Variants in HIF1A observed in about 807,000 individuals in gnomAD.
The protein encoded by HIF1A is hypoxia-inducible factor 1-alpha.
A neutral mutation model predicts 92.7 loss-of-function variants in HIF1A; 24 were observed. The observed-to-expected ratio is 0.26, with a 90% CI of 0.19 to 0.36. The LOEUF is 0.36. Among genes scored for constraint, HIF1A ranks in the 10% least tolerant of loss-of-function variants. HIF1A has a pLI of 1.00. For missense variants in HIF1A, 799 were observed against 998.5 expected (o/e 0.80, Z 2.69); for synonymous variants, 319 against 338.7 (o/e 0.94, Z 0.64).
intron 6 of HIF1A, among the ~76,000 whole-genome samples, chr14:61,729,943 C>T (rs1566571793): frequency 6.6e-6 from 1 of 152,110 alleles, no homozygotes; most frequent in Non-Finnish European, 1.5e-5. Context: ...GAGAACCAAG[C>T]TATGGAAAAA....
intron 1 of HIF1A, among the ~76,000 whole-genome samples, chr14:61,702,439 C>CAAA: frequency 1.3e-5 from 1 of 78,792 alleles, no homozygotes; most frequent in African/African-American, 4.6e-5. Context: ...ATGCTGTCTC[C>CAAA]AAAAAAAAAA....
At chr14:61,732,382 C>CTTTTTTT in intron 6 of HIF1A, 36 bp from the exon 7 acceptor site, 1 of 1,410,998 alleles carries the variant, frequency 7.1e-7, no homozygotes, top group Non-Finnish European at 1.0e-6. Context: ...CAGTGTCTCC[C>CTTTTTTT]TTTTTTTTCT....
chr14:61,695,924 G>C lies in HIF1A; in HGVS notation c.35+85G>C, dbSNP rs182448149. On this transcript the variant is annotated intron_variant, in intron 1 of 14. Transcript: ENST00000337138. The stretch of plus-strand genomic sequence containing the variant: ...CCTGGGCTCCTGGGCCGGCCTCGGC[G>C]TTAATGGGATTGGGGGGGGCAGCCT... 1.9e-4 allele frequency: 245 copies of C among 1,308,718 alleles called. 2 individuals are homozygous for C. The highest frequency in any genetic ancestry group is 1.5e-5 in the African/African-American group (1 of 67,966). The allele number at this position is 1,308,718 out of a possible 1,614,324, so 81.1% of individuals were successfully genotyped here. A position where few individuals can be genotyped will look rare whatever the true frequency, so the allele number is the denominator to read the frequency against.
intron 1 of HIF1A, among the ~76,000 whole-genome samples, chr14:61,708,144 T>C (rs2044263449): frequency 6.6e-6 from 1 of 152,236 alleles, no homozygotes; most frequent in African/African-American, 2.4e-5. Flanking sequence ...GCCCACTTTT[T>C]GATGGGGTTG....
At position 61,720,375 on chromosome 14, in the gene HIF1A, T is replaced by G. The variant is rs1451741671; in HGVS notation, c.36-7T>G. ...CATCTCGTGTTTTTCTTGTTGTTGT[T>G]AAGTAGGATAAGTTCTGAACGTCGA... On this transcript the variant is annotated splice_polypyrimidine_tract_variant and splice_region_variant and intron_variant, in intron 1 of 14. Transcript: ENST00000337138. 6.3e-7 allele frequency: 1 copy of G among 1,595,468 alleles called. No individual in the cohort carries two copies. Among genetic ancestry groups the G allele is most frequent in the Non-Finnish European group, 8.5e-7 (1 of 1,171,986 alleles).
At chr14:61,717,797 G>T (rs1258999021) in intron 1 of HIF1A, among the ~76,000 whole-genome samples, 3 of 152,084 alleles carry the variant, frequency 2.0e-5, no homozygotes, top group Non-Finnish European at 2.9e-5. Context: ...CGAGGCGGGT[G>T]GATCACTTGA....
At chr14:61,741,366 T>TA (rs2044710092) in intron 12 of HIF1A, among the ~76,000 whole-genome samples, 178 bp downstream of exon 12, 1 of 148,906 alleles carries the variant, frequency 6.7e-6, no homozygotes, top group Non-Finnish European at 1.5e-5. Flanking sequence ...TTTTCTTTCT[T>TA]TTTTTTTTTT....
chr14:61,734,022 A>G, intron 7 of HIF1A, 116 bp from the exon 8 acceptor site: 1 of 686,250 alleles, frequency 1.5e-6, no homozygotes, highest in Non-Finnish European at 2.3e-6. Context: ...AACTGATTCC[A>G]CTAAATAAAC....
At chr14:61,710,848 CAGG>C in intron 1 of HIF1A, among the ~76,000 whole-genome samples, 1 of 152,204 alleles carries the variant, frequency 6.6e-6, no homozygotes, top group Non-Finnish European at 1.5e-5. Flanking sequence ...ATCAAGAGGT[CAGG>C]AGTTCAAGAC....
chr14:61,727,400 T>G lies in HIF1A; in HGVS notation c.571-53T>G, dbSNP rs1014388342. ...ACTCAACTACTTATCTCTGCTTTTT[T>G]TTTCCCTAGCATTGTAAATATTTTT... On this transcript the variant is annotated intron_variant, in intron 5 of 14. Transcript: ENST00000337138. 105 of 1,366,398 alleles carry G rather than the reference T, an allele frequency of 7.7e-5. 1 individual carries two copies. The highest frequency in any genetic ancestry group is 8.1e-5 in the Non-Finnish European group (78 of 957,246). The allele number at this position is 1,366,398 out of a possible 1,614,324, so 84.6% of individuals were successfully genotyped here. A position where few individuals can be genotyped will look rare whatever the true frequency, so the allele number is the denominator to read the frequency against.
At chr14:61,736,420 G>A (rs1275784660) in intron 8 of HIF1A, among the ~76,000 whole-genome samples, 1 of 152,042 alleles carries the variant, frequency 6.6e-6, no homozygotes, top group East Asian at 1.9e-4. Flanking sequence ...GAGGTTTGGG[G>A]TACAATTGAT....
chr14:61,709,994 C>CTAGTAAATA, intron 1 of HIF1A, among the ~76,000 whole-genome samples: 1 of 152,102 alleles, frequency 6.6e-6, no homozygotes. Flanking sequence ...TATTTGTAAA[C>CTAGTAAATA]TTTGCTAACA....
intron 7 of HIF1A, 32 bp from the exon 8 acceptor site, chr14:61,734,106 C>T (rs41285516): frequency 7.0e-7 from 1 of 1,430,098 alleles, no homozygotes; most frequent in Non-Finnish European, 9.3e-7. Context: ...AAAATATTTT[C>T]TCTGCATGAT....
intron 4 of HIF1A, 65 bp downstream of exon 4, chr14:61,721,888 A>G: frequency 1.7e-6 from 2 of 1,148,614 alleles, no homozygotes; most frequent in Non-Finnish European, 2.6e-6. Context: ...TACTATTGCT[A>G]ATTATTAAAC....
Position 61,741,170 on chromosome 14 carries a change from C to G in HIF1A, c.2075C>G (p.Ser692Cys). The G allele has an allele frequency of 6.2e-6, 10 of 1,600,740 alleles. No individual in the cohort carries two copies. Among genetic ancestry groups the G allele is most frequent in the Non-Finnish European group, 8.5e-6 (10 of 1,175,306 alleles). ...CATCCAAGAAGCCCTAACGTGTTATCTGTCGCTTTGAGTCAAAGGTATTTA... is the reference window on the plus strand; with the variant it reads ...CATCCAAGAAGCCCTAACGTGTTATGTGTCGCTTTGAGTCAAAGGTATTTA... ...KSHPRSPNVL[S>C]VALSQRTTVP... is the part of the protein sequence containing the mutation. The change falls in exon 12 of 15, where the codon TCT becomes TGT. Residue 692 changes from serine (S) to cysteine (C), a missense_variant. Physicochemically the swap from Ser to Cys is moderately radical, Grantham distance 112. This residue lies in a region of HIF1A where 283 missense variants were observed against 277.5 expected (regional missense o/e 1.02). Coordinates refer to ENST00000337138, the MANE Select transcript of HIF1A (RefSeq NM_001530.4).
rs753646253 is a variant in HIF1A at position 61,744,803 on chromosome 14, C to CAGTAGGAATTGTAAGTATGAGT, written c.2199_2202+18dup. 6 of 1,551,234 alleles carry CAGTAGGAATTGTAAGTATGAGT rather than the reference C, an allele frequency of 3.9e-6. No individual in the cohort carries two copies. The highest frequency in any genetic ancestry group is 5.3e-6 in the Non-Finnish European group (6 of 1,127,382). ...GAACATGATGGTTCACTTTTTCAAG[C>CAGTAGGAATTGTAAGTATGAGT]AGTAGGAATTGTAAGTATGAGTAGT... On this transcript the variant is annotated frameshift_variant, in exon 13 of 15. Transcript: ENST00000337138. LOFTEE classifies it high-confidence loss of function.
At chr14:61,709,977 T>C (rs900738432) in intron 1 of HIF1A, among the ~76,000 whole-genome samples, 1 of 152,216 alleles carries the variant, frequency 6.6e-6, no homozygotes, top group Non-Finnish European at 1.5e-5. Flanking sequence ...ATCTTGAAAC[T>C]AGTTAATATT....
At chr14:61,739,351 G>A (rs1448692895) in intron 10 of HIF1A, among the ~76,000 whole-genome samples, 1 of 152,154 alleles carries the variant, frequency 6.6e-6, no homozygotes, top group Non-Finnish European at 1.5e-5. Flanking sequence ...AATCTAGAAT[G>A]ATTCCATTTT....
intron 10 of HIF1A, 116 bp downstream of exon 10, chr14:61,738,489 T>A: frequency 3.0e-6 from 3 of 1,000,638 alleles, no homozygotes; most frequent in Middle Eastern, 2.7e-4. Context: ...TGTGTGTGTG[T>A]TTGAATTTTA....
Sources: gnomAD v4.1 joint callset for allele counts (sites outside exome capture counted in the v4.1 genomes callset) on GRCh38, gnomAD v4.1.1 for gene constraint, gnomAD v4.1.1 regional missense constraint, MANE v1.5 for transcripts, NCBI Gene and HGNC (gene_info 2026-07-23, HGNC 2026-07-21) for gene names.